PAX5: variants seen among roughly 807,000 people sequenced by gnomAD.
PAX5 encodes paired box protein Pax-5.
A neutral mutation model predicts 43.7 loss-of-function variants in PAX5; 9 were observed. That is an observed-to-expected ratio of 0.21 (90% CI 0.12 to 0.36). The LOEUF is 0.36. PAX5 is among the 10% of genes least tolerant of loss of function. PAX5 has a pLI of 1.00. For missense variants in PAX5, 383 were observed against 532.7 expected (o/e 0.72, Z 2.77); for synonymous variants, 228 against 214.3 (o/e 1.06, Z -0.56).
chr9:36,925,241 G>C (rs528971073), intron 6 of PAX5, among the ~76,000 whole-genome samples: 4 of 152,168 alleles, frequency 2.6e-5, no homozygotes, highest in Admixed American at 2.6e-4. Context: ...TAGATGATTC[G>C]TGCTGAGGAC....
At chr9:36,942,826 T>C (rs2132067802) in intron 6 of PAX5, among the ~76,000 whole-genome samples, 2 of 152,366 alleles carry the variant, frequency 1.3e-5, no homozygotes, top group East Asian at 3.9e-4. Context: ...GGGGCCTGGC[T>C]TTTGCCTGCA....
intron 7 of PAX5, among the ~76,000 whole-genome samples, chr9:36,887,176 G>C (rs990857087): frequency 2.6e-5 from 4 of 152,148 alleles, no homozygotes; most frequent in African/African-American, 7.2e-5. Context: ...TTCCCCTCGA[G>C]GGGACTAGCC....
intron 6 of PAX5, among the ~76,000 whole-genome samples, chr9:36,953,854 C>T (rs765489930): frequency 1.1e-4 from 17 of 152,174 alleles, no homozygotes; most frequent in Non-Finnish European, 2.1e-4. Flanking sequence ...AGGTTGATTA[C>T]CTGGGCTCAG....
chr9:36,987,495 C>A (rs1256587422), intron 5 of PAX5, among the ~76,000 whole-genome samples: 3 of 152,230 alleles, frequency 2.0e-5, no homozygotes, highest in Non-Finnish European at 4.4e-5. Context: ...TTGAAGAAGG[C>A]GTCCTGCTCT....
intron 1 of PAX5, among the ~76,000 whole-genome samples, chr9:37,031,890 G>GAGA: frequency 1.3e-5 from 2 of 152,302 alleles, no homozygotes; most frequent in Admixed American, 6.5e-5. Flanking sequence ...GAAGTCTATT[G>GAGA]GCCCATGAAA....
chr9:36,951,725 T>C (rs1047638458), intron 6 of PAX5, among the ~76,000 whole-genome samples: 3 of 152,344 alleles, frequency 2.0e-5, no homozygotes, highest in Non-Finnish European at 4.4e-5. Flanking sequence ...TTTATTTCTA[T>C]CCTCTATTGT....
In PAX5 at chr9:36,837,684, G is replaced by A. The variant is rs184214185; in HGVS notation, c.*2876C>T. ...CATCCGTGTGCATCCATGTGCGCTT[G>A]TGCTTCCGCCTGGCAGCCCAGGAGT... On this transcript the variant is annotated 3_prime_UTR_variant, in exon 10 of 10. Coordinates refer to ENST00000358127, the MANE Select transcript of PAX5 (RefSeq NM_016734.3). The A allele has an allele frequency of 1.8e-4, 43 of 233,378 alleles. No homozygotes were observed. The Admixed American group carries it at 2.1e-3, about 11-fold the overall frequency. 14.5% of individuals were successfully genotyped at this position (233,378 alleles called of 1,614,324 possible).
At chr9:37,018,749 C>G (rs1382671347) in intron 2 of PAX5, among the ~76,000 whole-genome samples, 1 of 152,078 alleles carries the variant, frequency 6.6e-6, no homozygotes. Flanking sequence ...TTGTTGACAA[C>G]TTAAACGGTC....
intron 5 of PAX5, among the ~76,000 whole-genome samples, chr9:36,986,069 C>A (rs1836376093): frequency 6.6e-6 from 1 of 152,062 alleles, no homozygotes; most frequent in African/African-American, 2.4e-5. Flanking sequence ...CGTCCGACCC[C>A]CGCCCGGCAC....
intron 6 of PAX5, among the ~76,000 whole-genome samples, chr9:36,932,630 A>G (rs1417800157): frequency 2.0e-5 from 3 of 152,360 alleles, no homozygotes; most frequent in South Asian, 4.1e-4. Flanking sequence ...AAACGAGTCC[A>G]AAACCAAACT....
intron 7 of PAX5, among the ~76,000 whole-genome samples, chr9:36,887,909 A>G (rs1827037545): frequency 6.7e-6 from 1 of 149,198 alleles, no homozygotes; most frequent in Admixed American, 6.7e-5. Flanking sequence ...GAATATATAA[A>G]GAACTCTTGC....
At chr9:36,989,798 G>A (rs553319042) in intron 5 of PAX5, among the ~76,000 whole-genome samples, 48 of 152,230 alleles carry the variant, frequency 3.2e-4, no homozygotes, top group Non-Finnish European at 6.0e-4. Flanking sequence ...TTCCCCAGAT[G>A]AGCCCATGGC....
intron 5 of PAX5, among the ~76,000 whole-genome samples, chr9:36,969,086 C>T (rs79538996): frequency 6.6e-6 from 1 of 152,312 alleles, no homozygotes; most frequent in East Asian, 1.9e-4. Flanking sequence ...AGAAGGGGCC[C>T]ATCCACTTTC....
chr9:36,881,559 T>C (rs1168222127), intron 8 of PAX5, among the ~76,000 whole-genome samples: 2 of 151,894 alleles, frequency 1.3e-5, no homozygotes, highest in South Asian at 2.1e-4. Flanking sequence ...CCGTCTGTCC[T>C]GAACACATTA....
At chr9:37,007,164 C>T (rs983365395) in intron 3 of PAX5, among the ~76,000 whole-genome samples, 3 of 152,214 alleles carry the variant, frequency 2.0e-5, no homozygotes, top group African/African-American at 7.2e-5. Context: ...TGCACCAAAC[C>T]TCACAGAAAG....
chr9:36,892,714 G>A (rs1310640706), intron 7 of PAX5, among the ~76,000 whole-genome samples: 9 of 152,226 alleles, frequency 5.9e-5, no homozygotes, highest in African/African-American at 2.2e-4. Flanking sequence ...AGGAAGGAAG[G>A]CAGCAATCCT....
chr9:37,029,222 G>T (rs1026142293), intron 1 of PAX5, among the ~76,000 whole-genome samples: 4 of 152,204 alleles, frequency 2.6e-5, no homozygotes, highest in Non-Finnish European at 5.9e-5. Flanking sequence ...TTATCCTCTT[G>T]TTTTATTCTC....
intron 8 of PAX5, among the ~76,000 whole-genome samples, chr9:36,865,131 T>G (rs1824739444): frequency 6.6e-6 from 1 of 152,114 alleles, no homozygotes; most frequent in Admixed American, 6.5e-5. Context: ...TCCTCCCCAC[T>G]CCTAAATACA....
intron 7 of PAX5, among the ~76,000 whole-genome samples, chr9:36,909,205 C>G (rs754967069): frequency 8.5e-5 from 13 of 152,162 alleles, no homozygotes; most frequent in Non-Finnish European, 1.5e-4. Flanking sequence ...GAATTCACCC[C>G]CAAATCGTTC....
Sources: allele counts gnomAD v4.1 joint callset (sites outside exome capture counted in the v4.1 genomes callset), GRCh38; gene constraint gnomAD v4.1.1; transcripts MANE v1.5; gene names NCBI Gene and HGNC (gene_info 2026-07-23, HGNC 2026-07-21).